The following ZNF541 variants were observed in gnomAD, a reference collection of about 807,000 sequenced individuals.
ZNF541 encodes zinc finger protein 541.
Under a neutral mutation model 123.5 loss-of-function variants are expected in ZNF541, and 23 were observed. That is an observed-to-expected ratio of 0.19 (90% confidence interval 0.13 to 0.26). The LOEUF (loss-of-function observed/expected upper bound fraction) is 0.26, where lower values mean the gene tolerates loss of function less well. ZNF541 is among the 10% of genes least tolerant of loss of function. The probability of loss-of-function intolerance (pLI) is 1.00; values close to 1 mark genes in which losing one functional copy is unlikely to be tolerated. For synonymous variants in ZNF541, 751 were observed against 754.5 expected (o/e 1.00, Z 0.08); for missense variants, 1,612 against 1,789.9 (o/e 0.90, Z 1.79).
intron 4 of ZNF541, among the ~76,000 whole-genome samples, chr19:47,548,827 G>A (rs10417251): frequency 0.038 from 5,855 of 152,280 alleles, 355 homozygotes; most frequent in African/African-American, 0.13. Flanking sequence ...TGTAATCCCA[G>A]AACTTTGGGA....
chr19:47,540,576 A>G (rs1970039280), intron 6 of ZNF541, among the ~76,000 whole-genome samples: 2 of 151,972 alleles, frequency 1.3e-5, no homozygotes, highest in Non-Finnish European at 2.9e-5. Flanking sequence ...AGTAGCTAAG[A>G]TTACAGGTGT....
At chr19:47,522,844 C>G (rs903704800) in intron 14 of ZNF541, among the ~76,000 whole-genome samples, 1 of 151,106 alleles carries the variant, frequency 6.6e-6, no homozygotes, top group African/African-American at 2.4e-5. Context: ...CCTCCCGGGT[C>G]CAAGTGATTC....
intron 3 of ZNF541, among the ~76,000 whole-genome samples, chr19:47,555,140 C>A (rs1232385351): frequency 6.6e-6 from 1 of 150,630 alleles, no homozygotes; most frequent in Non-Finnish European, 1.5e-5. Flanking sequence ...GAGGCTGAGG[C>A]GGGCGGATCA....
chr19:47,553,813 T>C (rs1678964944), intron 3 of ZNF541, among the ~76,000 whole-genome samples: 1 of 152,196 alleles, frequency 6.6e-6, no homozygotes, highest in Admixed American at 6.5e-5. Flanking sequence ...GTACTAGGAT[T>C]ATAGGCATGA....
At chr19:47,552,742 C>CAAAAA (rs573248609) in intron 3 of ZNF541, among the ~76,000 whole-genome samples, 544 of 26,110 alleles carry the variant, frequency 0.021, 154 homozygotes, top group African/African-American at 0.036. Flanking sequence ...GACTCCATCT[C>CAAAAA]AAAAAAAAAA....
Position 47,538,416 on chromosome 19 carries a change from C to T in ZNF541, c.2820G>A (p.Glu940=). ...GCTGGCTGCTCTCCTTGCTGTCTCG[C>T]TCCTCCCCGTCTTTCTCTTGTCCCT... ...MAMGQEKDGE[E]RDSKESSQQR... The change falls in exon 9 of 17, where the codon GAG becomes GAA. Residue 940 remains glutamate (E), a synonymous_variant. Transcript: ENST00000391901. The T allele has an allele frequency of 9.8e-6, 15 of 1,530,480 alleles. No homozygotes were observed. Among genetic ancestry groups the T allele is most frequent in the Non-Finnish European group, 1.3e-5 (15 of 1,136,602 alleles). 94.8% of individuals were successfully genotyped at this position (1,530,480 alleles called of 1,614,324 possible).
At chr19:47,549,096 G>T in intron 4 of ZNF541, 149 bp downstream of exon 4, 2 of 1,111,348 alleles carry the variant, frequency 1.8e-6, no homozygotes, top group South Asian at 1.7e-5. Context: ...AGTGGCTGTG[G>T]CTGCGGCTGA....
chr19:47,559,635 A>C (rs879328841), intron 2 of ZNF541, among the ~76,000 whole-genome samples: 6 of 152,082 alleles, frequency 3.9e-5, no homozygotes, highest in Non-Finnish European at 8.8e-5. Context: ...AGATCACCTG[A>C]GGCCAGGAGT....
Position 47,538,247 on chromosome 19 carries a change from G to A in ZNF541, c.2989C>T (p.Pro997Ser), listed in dbSNP as rs571602003. The A allele has an allele frequency of 1.6e-4, 242 of 1,551,536 alleles. No homozygotes were observed. Among genetic ancestry groups the A allele is most frequent in the Admixed American group, 2.2e-4 (11 of 50,964 alleles). ...GLFQCSPYTP[P>S]PMLSPIREGS... ...TCCCGGATGGGGCTGAGCATTGGGG[G>A]TGGTGTGTAGGGGGAGCACTGGAAT... The change falls in exon 9 of 17, where the codon CCC becomes TCC. Residue 997 changes from proline to serine, a missense_variant. Pro to Ser is a moderately conservative substitution (Grantham distance 74). Around this residue, in one of 5 missense-constraint regions of ZNF541, gnomAD observed 285 missense variants for 407.3 expected, o/e 0.70. Transcript: ENST00000391901.
At chr19:47,570,002 C>T (rs1971416261) in intron 2 of ZNF541, among the ~76,000 whole-genome samples, 4 of 152,072 alleles carry the variant, frequency 2.6e-5, no homozygotes, top group Non-Finnish European at 4.4e-5. Context: ...TGGCCGGGCA[C>T]GGTGGCTCAC....
chr19:47,560,769 TTTATA>T (rs1971029570), intron 2 of ZNF541, among the ~76,000 whole-genome samples: 1 of 152,036 alleles, frequency 6.6e-6, no homozygotes, highest in Non-Finnish European at 1.5e-5. Flanking sequence ...CACACACATG[TTTATA>T]GCAGCTTTGT....
intron 14 of ZNF541, among the ~76,000 whole-genome samples, chr19:47,525,799 G>A (rs1404782677): frequency 3.3e-5 from 5 of 151,490 alleles, no homozygotes; most frequent in African/African-American, 9.7e-5. Flanking sequence ...GCCTGTAGTC[G>A]CAGCTACTCG....
At chr19:47,537,583 A>T (rs902024209) in intron 9 of ZNF541, among the ~76,000 whole-genome samples, 1 of 149,536 alleles carries the variant, frequency 6.7e-6, no homozygotes, top group East Asian at 2.0e-4. Context: ...AAAAAAAAAA[A>T]GGAAATGACA....
rs2123292312 is a variant in ZNF541 at position 47,555,738 on chromosome 19, T to C, written c.119A>G (p.Asn40Ser). 6.4e-7 allele frequency: 1 copy of C among 1,551,712 alleles called. No individual in the cohort carries two copies. Among genetic ancestry groups the C allele is most frequent in the East Asian group, 2.4e-5 (1 of 40,924 alleles). ...SDTLNRDLGP[N>S]TRGFLYAGLS... ...GCCAGCATAAAGAAAGCCTCGCGTG[T>C]TGGGACCCAAATCCCGGTTGAGGGT... The change falls in exon 3 of 17, where the codon AAC becomes AGC. Residue 40 changes from asparagine (N) to serine (S), a missense_variant. Physicochemically the swap from Asn to Ser is conservative, Grantham distance 46. Around this residue, in one of 5 missense-constraint regions of ZNF541, gnomAD observed 212 missense variants for 289.6 expected, o/e 0.73. Coordinates refer to ENST00000391901, the MANE Select transcript of ZNF541 (RefSeq NM_001277075.3).
chr19:47,535,610 G>T (rs973926251), intron 9 of ZNF541, among the ~76,000 whole-genome samples: 1 of 152,140 alleles, frequency 6.6e-6, no homozygotes, highest in South Asian at 2.1e-4. Flanking sequence ...CTACCCAAGA[G>T]AGCTGAGAAC....
At position 47,538,278 on chromosome 19, in the gene ZNF541, C is replaced by T; in HGVS notation, c.2958G>A (p.Lys986=). The change falls in exon 9 of 17, where the codon AAG becomes AAA. Residue 986 remains lysine, a synonymous_variant. Coordinates refer to ENST00000391901, the MANE Select transcript of ZNF541 (RefSeq NM_001277075.3). ...SPMFLVDCLL[K]GLFQCSPYTP... is the part of the protein sequence containing the mutation. The stretch of plus-strand genomic sequence containing the variant: ...TGTAGGGGGAGCACTGGAATAAGCC[C>T]TTCAGGAGGCAGTCCACCAGGAACA... The T allele has an allele frequency of 6.4e-7, 1 of 1,550,932 alleles. No homozygotes were observed.
intron 2 of ZNF541, among the ~76,000 whole-genome samples, chr19:47,560,577 A>C (rs1034789512): frequency 3.2e-4 from 41 of 129,838 alleles, no homozygotes; most frequent in African/African-American, 9.9e-4. Flanking sequence ...ACTCTGTCCC[A>C]AAAAAAAAAA....
At chr19:47,567,709 C>T (rs1971322010) in intron 2 of ZNF541, among the ~76,000 whole-genome samples, 1 of 152,212 alleles carries the variant, frequency 6.6e-6, no homozygotes, top group Non-Finnish European at 1.5e-5. Context: ...GTCCACATTC[C>T]TGCAAGGCAA....
chr19:47,539,997 G>A, intron 7 of ZNF541, 119 bp from the exon 8 acceptor site: 1 of 1,452,940 alleles, frequency 6.9e-7, no homozygotes, highest in Non-Finnish European at 9.1e-7. Context: ...CATGGACCAA[G>A]CTGGAGAGCT....
Sources: allele counts gnomAD v4.1 joint callset (sites outside exome capture counted in the v4.1 genomes callset), GRCh38; gene constraint gnomAD v4.1.1; regional missense constraint gnomAD v4.1.1; transcripts MANE v1.5; gene names NCBI Gene and HGNC (gene_info 2026-07-23, HGNC 2026-07-21).